Variants in TRAPPC6B observed in about 807,000 individuals in gnomAD.
The protein encoded by TRAPPC6B is trafficking protein particle complex subunit 6B, also known as TRAPP complex subunit 6B.
In TRAPPC6B, 27 loss-of-function variants were observed where a neutral mutation model predicts 24.7. That is an observed-to-expected ratio of 1.09 (90% confidence interval 0.81 to 1.51). The LOEUF (loss-of-function observed/expected upper bound fraction) is 1.51, where lower values mean the gene tolerates loss of function less well. TRAPPC6B is among the 40% of genes most tolerant of loss of function. The pLI is 0.00. For synonymous variants in TRAPPC6B, 80 were observed against 66.6 expected (o/e 1.20, Z -0.98); for missense variants, 212 against 190.8 (o/e 1.11, Z -0.66).
chr14:39,149,917 TAAAAA>T lies in TRAPPC6B; in HGVS notation c.*428_*432del, dbSNP rs35051396. The T allele has an allele frequency of 6.5e-6, 1 of 153,754 alleles. No homozygotes were observed. Among genetic ancestry groups the T allele is most frequent in the Non-Finnish European group, 1.4e-5 (1 of 69,180 alleles). The allele number at this position is 153,754 out of a possible 1,614,324, so 9.5% of individuals were successfully genotyped here. On this transcript the variant is annotated 3_prime_UTR_variant, in exon 6 of 6. Transcript: ENST00000330149. ...TCTTAATAAATTATAAGCAATAAAA[TAAAAA>T]AAATTTAGTATGTTTGCTTTTTAAA...
chr14:39,151,656 T>C (rs1436067380), intron 5 of TRAPPC6B, 90 bp downstream of exon 5: 18 of 945,732 alleles, frequency 1.9e-5, no homozygotes, highest in Non-Finnish European at 2.7e-5. Flanking sequence ...AGTTTCAGCA[T>C]TTTAAATTTC....
chr14:39,167,957 T>C (rs1279612505), intron 1 of TRAPPC6B, among the ~76,000 whole-genome samples: 1 of 152,124 alleles, frequency 6.6e-6, no homozygotes, highest in Non-Finnish European at 1.5e-5. Context: ...CTTACGCTTG[T>C]AATCCCAGCA....
rs1342382352 is a variant in TRAPPC6B at position 39,151,826 on chromosome 14, G to A, written c.365C>T (p.Thr122Met). 6.9e-6 allele frequency: 11 copies of A among 1,602,920 alleles called. No individual in the cohort carries two copies. The highest frequency in any genetic ancestry group is 1.1e-5 in the South Asian group (1 of 88,058). Residue 122 changes from threonine (T) to methionine (M), a missense_variant, in exon 5 of 6, where the codon ACG becomes ATG. Coordinates refer to ENST00000330149, the MANE Select transcript of TRAPPC6B (RefSeq NM_001079537.2). ...LEHASKYLAFTCGLIRGGLSN... is the reference protein window; with the variant it reads ...LEHASKYLAFMCGLIRGGLSN... ...TAAGCCACCTCTGATTAAGCCACAC[G>A]TAAATGCTAAATACTAAAAGGAAAA...
rs767878611 is a variant in TRAPPC6B at position 39,170,137 on chromosome 14, T to G, written c.-42A>C. ...CAAGCTTCGAGTTTTGGCTCCCGTT[T>G]GAGCTGGTCTGGGGGTTCCAGCTCG... On this transcript the variant is annotated 5_prime_UTR_variant, in exon 1 of 6. Transcript: ENST00000330149. 1 of 1,606,318 alleles carries G rather than the reference T, an allele frequency of 6.2e-7. No individual in the cohort carries two copies. The highest frequency in any genetic ancestry group is 8.5e-7 in the Non-Finnish European group (1 of 1,173,158).
intron 1 of TRAPPC6B, among the ~76,000 whole-genome samples, chr14:39,164,218 G>A (rs114055495): frequency 3.0e-4 from 45 of 152,180 alleles, no homozygotes; most frequent in African/African-American, 1.0e-3. Context: ...ATTCTCGGCC[G>A]GGCATGATGG....
chr14:39,148,631 T>C lies in TRAPPC6B; in HGVS notation c.*1719A>G, dbSNP rs1371186472. The C allele has an allele frequency of 5.0e-6, 2 of 398,360 alleles. No individual in the cohort carries two copies. Among genetic ancestry groups the C allele is most frequent in the Non-Finnish European group, 8.9e-6 (2 of 225,982 alleles). The allele number at this position is 398,360 out of a possible 1,614,324, so 24.7% of individuals were successfully genotyped here. ...TCTATTTTGATCTACTTCTGTGTCA[T>C]TAGCTATTCCTGGGTCATTATGACT... On this transcript the variant is annotated 3_prime_UTR_variant, in exon 6 of 6. Coordinates refer to ENST00000330149, the MANE Select transcript of TRAPPC6B (RefSeq NM_001079537.2).
intron 4 of TRAPPC6B, among the ~76,000 whole-genome samples, chr14:39,152,977 C>G (rs1231289907): frequency 6.6e-6 from 1 of 152,152 alleles, no homozygotes; most frequent in East Asian, 1.9e-4. Flanking sequence ...CGTCTGTAAT[C>G]CCAGCACTTT....
At chr14:39,164,289 G>C (rs1172340885) in intron 1 of TRAPPC6B, among the ~76,000 whole-genome samples, 1 of 152,140 alleles carries the variant, frequency 6.6e-6, no homozygotes, top group South Asian at 2.1e-4. Flanking sequence ...TCAGGAGTTC[G>C]AGACCAGCTT....
chr14:39,154,128 C>T (rs977909745), intron 4 of TRAPPC6B, 83 bp downstream of exon 4: 4 of 804,972 alleles, frequency 5.0e-6, no homozygotes, highest in East Asian at 5.1e-5. Flanking sequence ...ATTTTTAATT[C>T]AATAGTTTGT....
chr14:39,160,305 C>T (rs1245380265), intron 1 of TRAPPC6B, among the ~76,000 whole-genome samples: 4 of 150,782 alleles, frequency 2.7e-5, no homozygotes, highest in East Asian at 2.0e-4. Flanking sequence ...CCTCAAGACA[C>T]GGTGGCTCAT....
chr14:39,167,843 G>T (rs1048270954), intron 1 of TRAPPC6B, among the ~76,000 whole-genome samples: 2 of 150,438 alleles, frequency 1.3e-5, no homozygotes, highest in African/African-American at 2.4e-5. Flanking sequence ...GAACAGCTCT[G>T]TTCATTTTAT....
At position 39,160,119 on chromosome 14, in the gene TRAPPC6B, C is replaced by T. The variant is rs141785572; in HGVS notation, c.82-569G>A. 6.7e-3 allele frequency among the ~76,000 whole-genome samples: 1,016 copies of T among 152,196 alleles called. 9 individuals are homozygous for T. The highest frequency in any genetic ancestry group is 9.3e-3 in the Non-Finnish European group (635 of 68,016). ...CAGGGATTACAGGCGTGAGCCACCG[C>T]GCCCAGACAGAAAGATACATTTTAA... On this transcript the variant is annotated intron_variant, in intron 1 of 5. Transcript: ENST00000330149.
Position 39,154,294 on chromosome 14 carries a change from C to G in TRAPPC6B, c.268G>C (p.Gly90Arg). The G allele has an allele frequency of 6.2e-7, 1 of 1,605,736 alleles. No individual in the cohort carries two copies. The change falls in exon 4 of 6, where the codon GGC becomes CGC. Residue 90 changes from glycine (G) to arginine (R), a missense_variant and splice_region_variant. Transcript: ENST00000330149. The stretch of plus-strand genomic sequence containing the variant: ...TTGTTGTCCTGAAGTACATAGATGC[C>G]CTGTTCCAAAAATAGAAAAAAAATC... ...QIDNLRTNHQ[G>R]IYVLQDNKFR... is the part of the protein sequence containing the mutation.
Position 39,151,749 on chromosome 14 carries a change from C to T in TRAPPC6B, c.442G>A (p.Ala148Thr). The change falls in exon 5 of 6, where the codon GCT (alanine) becomes ACT (threonine). Residue 148 changes from alanine to threonine, a missense_variant. Transcript: ENST00000330149. ...AAGAAAGGCGAATTCAACTTACAAGCAGGCATTGAAGACACTTCAGCTGTT... is the reference window on the plus strand; with the variant it reads ...AAGAAAGGCGAATTCAACTTACAAGTAGGCATTGAAGACACTTCAGCTGTT... ...IVTAEVSSMP[A>T]CKFQVMIQKL 6.4e-7 allele frequency: 1 copy of T among 1,571,972 alleles called. No individual in the cohort carries two copies. The highest frequency in any genetic ancestry group is 8.6e-7 in the Non-Finnish European group (1 of 1,163,838).
At position 39,148,718 on chromosome 14, in the gene TRAPPC6B, A is replaced by AT. The variant is rs2052883469; in HGVS notation, c.*1631dup. 1.0e-5 allele frequency: 4 copies of AT among 398,432 alleles called. No individual in the cohort carries two copies. The highest frequency in any genetic ancestry group is 6.2e-5 in the African/African-American group (3 of 48,716). The allele number at this position is 398,432 out of a possible 1,614,324, so 24.7% of individuals were successfully genotyped here. A position where few individuals can be genotyped will look rare whatever the true frequency, so the allele number is the denominator to read the frequency against. ...TTTCCTAAATTTTTTCAAAATTAAA[A>AT]TTTTTTCCCCAAAACATGTGAGAAT... On this transcript the variant is annotated 3_prime_UTR_variant, in exon 6 of 6. Coordinates refer to ENST00000330149, the MANE Select transcript of TRAPPC6B (RefSeq NM_001079537.2).
At chr14:39,152,933 G>A (rs1464345938) in intron 4 of TRAPPC6B, among the ~76,000 whole-genome samples, 1 of 152,104 alleles carries the variant, frequency 6.6e-6, no homozygotes, top group East Asian at 1.9e-4. Context: ...TTGGGAGGCT[G>A]TAATCCCAGC....
intron 1 of TRAPPC6B, among the ~76,000 whole-genome samples, chr14:39,160,548 C>T (rs1213873462): frequency 7.1e-6 from 1 of 140,914 alleles, no homozygotes; most frequent in Non-Finnish European, 1.5e-5. Context: ...GCCTGGGCAA[C>T]AGGTTGAGCA....
Position 39,158,276 on chromosome 14 carries a change from T to C in TRAPPC6B, c.267+9A>G, listed in dbSNP as rs781560660. 12 of 1,468,334 alleles carry C rather than the reference T, an allele frequency of 8.2e-6. No individual in the cohort carries two copies. In the African/African-American group the frequency reaches 9.9e-5, roughly 12 times the overall value. 91.0% of individuals were successfully genotyped at this position (1,468,334 alleles called of 1,614,324 possible). A position where few individuals can be genotyped will look rare whatever the true frequency, so the allele number is the denominator to read the frequency against. On this transcript the variant is annotated intron_variant, in intron 3 of 5. Transcript: ENST00000330149. ...ACTTTAAAATATAGGCCTTAATTAA[T>C]TTAATTACCTGATGATTTGTCCTTA...
intron 1 of TRAPPC6B, among the ~76,000 whole-genome samples, chr14:39,166,651 GTAGT>G (rs1044785137): frequency 5.3e-5 from 8 of 152,176 alleles, no homozygotes; most frequent in African/African-American, 1.9e-4. Flanking sequence ...TAAAATGTAG[GTAGT>G]TAAATGATAA....
Sources: gnomAD v4.1 joint callset for allele counts (sites outside exome capture counted in the v4.1 genomes callset) on GRCh38, gnomAD v4.1.1 for gene constraint, MANE v1.5 for transcripts, NCBI Gene and HGNC (gene_info 2026-07-23, HGNC 2026-07-21) for gene names.